PSKH2: variants seen among roughly 807,000 people sequenced by gnomAD.
The protein encoded by PSKH2 is protein serine kinase H2.
PSKH2 carries 16 observed loss-of-function variants against 22.5 expected under a neutral mutation model. The ratio of observed to expected loss-of-function variants is 0.71; its 90% CI spans 0.48 to 1.08. The LOEUF is 1.08. PSKH2 is among the 50% of genes least tolerant of loss of function. The probability of loss-of-function intolerance (pLI) is 0.00; values close to 1 mark genes in which losing one functional copy is unlikely to be tolerated. For synonymous variants in PSKH2, 188 were observed against 184.8 expected, an observed-to-expected ratio of 1.02 and a Z score of -0.14; for missense variants, 516 against 492.8, an observed-to-expected ratio of 1.05 and a Z score of -0.44.
chr8:86,059,089 A>C (rs997757673), intron 2 of PSKH2, among the ~76,000 whole-genome samples: 6 of 152,102 alleles, frequency 3.9e-5, no homozygotes, highest in Non-Finnish European at 1.5e-5. Context: ...ACAGGCACAC[A>C]TCACTATGTG....
rs1404908402 is a variant in PSKH2, at chr8:86,063,960, C to G, written c.852+5G>C. The G allele has an allele frequency of 6.2e-7, 1 of 1,602,360 alleles. No homozygotes were observed. Among genetic ancestry groups the G allele is most frequent in the East Asian group, 2.2e-5 (1 of 44,728 alleles). On this transcript the variant is annotated splice_donor_5th_base_variant and intron_variant, in intron 2 of 2. Coordinates refer to ENST00000276616, the MANE Select transcript of PSKH2 (RefSeq NM_033126.3). Reference sequence around the variant, plus strand: ...CACAATAGAAATAAAATAATGCTCTCTTACCTCTCCTGTATAATTATATTT... The same window carrying G: ...CACAATAGAAATAAAATAATGCTCTGTTACCTCTCCTGTATAATTATATTT...
intron 2 of PSKH2, among the ~76,000 whole-genome samples, chr8:86,058,356 T>C (rs1473185074): frequency 6.6e-6 from 1 of 152,230 alleles, no homozygotes; most frequent in Non-Finnish European, 1.5e-5. Flanking sequence ...TATTCCAGAA[T>C]GGACCTAATA....
chr8:86,065,369 G>C (rs1461752838), intron 1 of PSKH2, among the ~76,000 whole-genome samples: 2 of 152,170 alleles, frequency 1.3e-5, no homozygotes, highest in Non-Finnish European at 2.9e-5. Context: ...TCAGCAGTCT[G>C]GTGGGAGTAG....
In PSKH2 at chr8:86,064,502, G is replaced by A. The variant is rs770035319; in HGVS notation, c.315C>T (p.Cys105=). 17 of 1,613,676 alleles carry A rather than the reference G, an allele frequency of 1.1e-5. No individual in the cohort carries two copies. Among genetic ancestry groups the A allele is most frequent in the Admixed American group, 5.0e-5 (3 of 59,948 alleles). The change falls in exon 2 of 3, where the codon TGC becomes TGT. Residue 105 remains cysteine, a synonymous_variant. Coordinates refer to ENST00000276616, the MANE Select transcript of PSKH2 (RefSeq NM_033126.3). ...ETREREGREA[C]VSELSVLRRV... ...GCCGCAGGACGCTCAGCTCAGACAC[G>A]CACGCTTCTCTACCTTCCCTCTCTC...
intron 2 of PSKH2, among the ~76,000 whole-genome samples, chr8:86,060,894 C>G (rs1052925560): frequency 1.3e-5 from 2 of 152,178 alleles, no homozygotes; most frequent in Non-Finnish European, 2.9e-5. Context: ...TGTTAATGCT[C>G]CATCTAGACC....
At chr8:86,055,950 A>G (rs951490335) in intron 2 of PSKH2, among the ~76,000 whole-genome samples, 1 of 145,026 alleles carries the variant, frequency 6.9e-6, no homozygotes, top group East Asian at 2.1e-4. Context: ...TGTGGGATTT[A>G]AAAATATATA....
rs1002273845 is a variant in PSKH2, at chr8:86,056,917, T to G, written c.852+7048A>C. On this transcript the variant is annotated intron_variant, in intron 2 of 2. Transcript: ENST00000276616. ...CAGGTAGTTGGAGTTTTTTTTTTTT[T>G]TTGGTTTGTTTGTTGTTGTTGTTGT... Among the ~76,000 whole-genome samples the G allele has an allele frequency of 4.6e-4, 70 of 150,956 alleles. 1 individual carries two copies. Among genetic ancestry groups the G allele is most frequent in the African/African-American group, 1.7e-3 (69 of 40,788 alleles).
At chr8:86,058,438 C>T (rs995824362) in intron 2 of PSKH2, among the ~76,000 whole-genome samples, 3 of 152,174 alleles carry the variant, frequency 2.0e-5, no homozygotes, top group Non-Finnish European at 4.4e-5. Context: ...GTGTTCAAAA[C>T]AGTTATATCT....
chr8:86,051,025 C>A (rs559110567), intron 2 of PSKH2, among the ~76,000 whole-genome samples: 31 of 152,048 alleles, frequency 2.0e-4, no homozygotes, highest in African/African-American at 7.2e-4. Context: ...TGACTGCAGA[C>A]CCACTCCCAC....
intron 2 of PSKH2, among the ~76,000 whole-genome samples, chr8:86,062,161 T>C (rs141495526): frequency 6.6e-6 from 1 of 152,362 alleles, no homozygotes; most frequent in East Asian, 1.9e-4. Context: ...GCTTTTATTC[T>C]ACTTGGCAGT....
intron 1 of PSKH2, 48 bp from the exon 2 acceptor site, chr8:86,064,679 T>C (rs1160401723): frequency 3.5e-6 from 5 of 1,431,160 alleles, no homozygotes; most frequent in Non-Finnish European, 4.8e-6. Context: ...GTGATGATTC[T>C]CAAAATTATT....
intron 2 of PSKH2, among the ~76,000 whole-genome samples, chr8:86,062,481 G>A (rs905414413): frequency 2.6e-5 from 4 of 152,134 alleles, no homozygotes; most frequent in African/African-American, 9.7e-5. Context: ...TGTAGTCCCC[G>A]TGTGTCAGGA....
At chr8:86,065,739 G>A (rs6993446) in intron 1 of PSKH2, among the ~76,000 whole-genome samples, 10,847 of 152,162 alleles carry the variant, frequency 0.071, 1,339 homozygotes, top group African/African-American at 0.24. Context: ...TTGGGAGGCC[G>A]AGGTGGGAAG....
chr8:86,067,194 C>G (rs1817877734), intron 1 of PSKH2, among the ~76,000 whole-genome samples: 1 of 152,046 alleles, frequency 6.6e-6, no homozygotes, highest in Admixed American at 6.6e-5. Flanking sequence ...TTGGAGGAAA[C>G]AGTACACTTG....
At chr8:86,053,095 C>T (rs1038339624) in intron 2 of PSKH2, among the ~76,000 whole-genome samples, 22 of 152,162 alleles carry the variant, frequency 1.4e-4, no homozygotes, top group African/African-American at 5.3e-4. Flanking sequence ...TTGTAGTTTA[C>T]GGCTTTCCAG....
In PSKH2 at chr8:86,047,194, A is replaced by T. The variant is rs533317495; in HGVS notation, c.*1268T>A. Among the ~76,000 whole-genome samples the T allele has an allele frequency of 5.9e-5, 9 of 152,194 alleles. No individual in the cohort carries two copies. Among genetic ancestry groups the T allele is most frequent in the Non-Finnish European group, 1.2e-4 (8 of 68,018 alleles). On this transcript the variant is annotated 3_prime_UTR_variant, in exon 3 of 3. Transcript: ENST00000276616. ...TTTTTCATTTACTCATTAGCCATCTATATGTTTATAAACCACCTGGTAAAA... is the reference window on the plus strand; with the variant it reads ...TTTTTCATTTACTCATTAGCCATCTTTATGTTTATAAACCACCTGGTAAAA...
intron 1 of PSKH2, chr8:86,066,446 G>C (rs1026451781): frequency 1.3e-5 from 2 of 151,932 alleles, no homozygotes; most frequent in African/African-American, 4.8e-5. Context: ...GAAGTGATCT[G>C]CCCACCTCAG....
At chr8:86,058,829 C>T (rs1817739151) in intron 2 of PSKH2, among the ~76,000 whole-genome samples, 1 of 152,176 alleles carries the variant, frequency 6.6e-6, no homozygotes, top group Non-Finnish European at 1.5e-5. Context: ...GAGTATGGCT[C>T]TGTTAGATAT....
intron 1 of PSKH2, among the ~76,000 whole-genome samples, chr8:86,066,882 C>G (rs1477718596): frequency 2.0e-5 from 3 of 152,088 alleles, no homozygotes; most frequent in African/African-American, 7.3e-5. Context: ...CTCTGCTTTT[C>G]TATTCACATG....
Sources: gnomAD v4.1 joint callset for allele counts (sites outside exome capture counted in the v4.1 genomes callset) on GRCh38, gnomAD v4.1.1 for gene constraint, MANE v1.5 for transcripts, NCBI Gene and HGNC (gene_info 2026-07-23, HGNC 2026-07-21) for gene names.